The following HAVCR2 variants were observed in gnomAD, a reference collection of about 807,000 sequenced individuals.
The protein encoded by HAVCR2 is hepatitis A virus cellular receptor 2.
Under a neutral mutation model 24.7 loss-of-function variants are expected in HAVCR2, and 13 were observed. The ratio of observed to expected loss-of-function variants is 0.53; its 90% CI spans 0.34 to 0.84. The LOEUF (loss-of-function observed/expected upper bound fraction) is 0.84, where lower values mean the gene tolerates loss of function less well. Among genes scored for constraint, HAVCR2 ranks in the 40% least tolerant of loss-of-function variants. HAVCR2 has a pLI of 0.01. For synonymous variants in HAVCR2, 154 were observed against 143.4 expected, an observed-to-expected ratio of 1.07 and a Z score of -0.53; for missense variants, 343 against 371.2, an observed-to-expected ratio of 0.92 and a Z score of 0.62.
At chr5:157,097,511 T>C (rs1184012130) in intron 4 of HAVCR2, among the ~76,000 whole-genome samples, 2 of 152,136 alleles carry the variant, frequency 1.3e-5, no homozygotes, top group Non-Finnish European at 2.9e-5. Context: ...CCTTCCACCT[T>C]GGCCTCCTAA....
chr5:157,101,974 T>A (rs757559722), intron 3 of HAVCR2, among the ~76,000 whole-genome samples: 45 of 134,364 alleles, frequency 3.3e-4, no homozygotes, highest in Non-Finnish European at 6.6e-4. Context: ...TGGGATGGAA[T>A]CTCGCTCTGT....
chr5:157,098,322 G>T (rs143869960), intron 4 of HAVCR2, among the ~76,000 whole-genome samples: 2,548 of 151,832 alleles, frequency 0.017, 83 homozygotes, highest in African/African-American at 0.059. Flanking sequence ...CAGGAGAATC[G>T]CTTGAACCCG....
At chr5:157,106,468 A>T in intron 2 of HAVCR2, 159 bp downstream of exon 2, 1 of 628,522 alleles carries the variant, frequency 1.6e-6, no homozygotes, top group Admixed American at 2.8e-5. Flanking sequence ...GGTGTTAAAT[A>T]TCACTGAGCA....
At chr5:157,100,867 G>T (rs1273153455) in intron 3 of HAVCR2, among the ~76,000 whole-genome samples, 1 of 152,110 alleles carries the variant, frequency 6.6e-6, no homozygotes, top group African/African-American at 2.4e-5. Context: ...GAGGCCGAGG[G>T]CAGGCAGATC....
At chr5:157,108,524 A>C (rs1267318417) in intron 1 of HAVCR2, among the ~76,000 whole-genome samples, 1 of 152,066 alleles carries the variant, frequency 6.6e-6, no homozygotes, top group African/African-American at 2.4e-5. Flanking sequence ...GAAAAAGAAA[A>C]AAAGGAAAGA....
intron 4 of HAVCR2, among the ~76,000 whole-genome samples, chr5:157,097,250 ATTTTTTT>A (rs1221167508): frequency 7.8e-6 from 1 of 128,572 alleles, no homozygotes; most frequent in African/African-American, 2.9e-5. Flanking sequence ...CCCTCAAGTA[ATTTTTTT>A]TTTTTTTTTT....
intron 3 of HAVCR2, among the ~76,000 whole-genome samples, chr5:157,102,791 G>A (rs994615189): frequency 3.3e-5 from 5 of 151,758 alleles, no homozygotes; most frequent in East Asian, 1.9e-4. Context: ...AAAAATTAGC[G>A]GGGCGTGGTG....
At chr5:157,092,878 CAAAAAAAAAAAAAAAAAAAAAAAAA>C (rs556443053) in intron 5 of HAVCR2, among the ~76,000 whole-genome samples, 59 of 44,040 alleles carry the variant, frequency 1.3e-3, no homozygotes, top group African/African-American at 2.9e-3. Context: ...CTGTCTCTAC[CAAAAAAAAAAAAAAAAAAAAAAAAA>C]AAAAAAAAAA....
intron 3 of HAVCR2, among the ~76,000 whole-genome samples, chr5:157,102,807 C>T (rs980035958): frequency 2.6e-5 from 4 of 151,770 alleles, no homozygotes; most frequent in Admixed American, 6.6e-5. Context: ...TGGTGGCGCG[C>T]GTCTGTAATC....
At chr5:157,106,984 G>A in intron 1 of HAVCR2, 22 bp from the exon 2 acceptor site, 3 of 1,580,562 alleles carry the variant, frequency 1.9e-6, no homozygotes, top group Non-Finnish European at 2.6e-6. Flanking sequence ...GAGAAGGAGA[G>A]CCAAGACTCA....
chr5:157,094,713 TA>T (rs374388128), intron 5 of HAVCR2, among the ~76,000 whole-genome samples: 9,389 of 143,392 alleles, frequency 0.065, 397 homozygotes, highest in Admixed American at 0.15. Context: ...TTTGCTAGTT[TA>T]AAAAAAAAAA....
At chr5:157,092,914 A>AAAAAAAAAAC (rs1561619885) in intron 5 of HAVCR2, among the ~76,000 whole-genome samples, 1 of 116,770 alleles carries the variant, frequency 8.6e-6, no homozygotes, top group African/African-American at 3.1e-5. Context: ...AAAAAAAAAA[A>AAAAAAAAAAC]AAAACTAGCC....
chr5:157,090,255 A>C (rs1756978754), intron 5 of HAVCR2, among the ~76,000 whole-genome samples: 1 of 147,272 alleles, frequency 6.8e-6, no homozygotes. Context: ...TCAGCTTCTG[A>C]GTAGCTAGAA....
chr5:157,100,951 C>G (rs1757157751), intron 3 of HAVCR2, among the ~76,000 whole-genome samples: 1 of 152,044 alleles, frequency 6.6e-6, no homozygotes, highest in South Asian at 2.1e-4. Flanking sequence ...AAAAAATTAG[C>G]CGGGCGTGGT....
chr5:157,086,979 C>T lies in HAVCR2; in HGVS notation c.*123G>A. 1.3e-6 allele frequency: 1 copy of T among 780,700 alleles called. No individual in the cohort carries two copies. The highest frequency in any genetic ancestry group is 1.8e-5 in the South Asian group (1 of 56,732). 48.4% of individuals were successfully genotyped at this position (780,700 alleles called of 1,614,324 possible). A position where few individuals can be genotyped will look rare whatever the true frequency, so the allele number is the denominator to read the frequency against. Reference sequence around the variant, plus strand: ...GTTCAATTCCCATGTGAGTCATTATCTTCTGAAAATGGGAAAACTCTGCTC... The same window carrying T: ...GTTCAATTCCCATGTGAGTCATTATTTTCTGAAAATGGGAAAACTCTGCTC... On this transcript the variant is annotated 3_prime_UTR_variant, in exon 7 of 7. Coordinates refer to ENST00000307851, the MANE Select transcript of HAVCR2 (RefSeq NM_032782.5).
In HAVCR2 at chr5:157,085,923, A is replaced by G. The variant is rs1756905496; in HGVS notation, c.*1179T>C. ...ACAATAAGCAAGACAGATCAAGCCTATACCGTCTTGAAATTTAAGTTTAGG... is the reference window on the plus strand; with the variant it reads ...ACAATAAGCAAGACAGATCAAGCCTGTACCGTCTTGAAATTTAAGTTTAGG... On this transcript the variant is annotated 3_prime_UTR_variant, in exon 7 of 7. Transcript: ENST00000307851. 1 of 152,244 alleles carries G rather than the reference A, an allele frequency of 6.6e-6. No homozygotes were observed. Among genetic ancestry groups the G allele is most frequent in the Non-Finnish European group, 1.5e-5 (1 of 68,044 alleles). The allele number at this position is 152,244 out of a possible 1,614,324, so 9.4% of individuals were successfully genotyped here.
intron 3 of HAVCR2, among the ~76,000 whole-genome samples, chr5:157,104,141 C>T (rs1757211856): frequency 6.6e-6 from 1 of 152,176 alleles, no homozygotes; most frequent in African/African-American, 2.4e-5. Context: ...GACTTGACTT[C>T]TGCTTTATGC....
intron 3 of HAVCR2, among the ~76,000 whole-genome samples, chr5:157,099,131 G>A (rs961193441): frequency 8.6e-5 from 13 of 152,036 alleles, no homozygotes; most frequent in African/African-American, 2.9e-4. Flanking sequence ...ATAATGAACC[G>A]TACTGTTTTA....
In HAVCR2 at chr5:157,095,185, A is replaced by C. The variant is rs1581757672; in HGVS notation, c.676+121T>G. On this transcript the variant is annotated intron_variant, in intron 5 of 6. Transcript: ENST00000307851. ...CATTATTGTTAGGATTTGGATGGACAAAAGGGTATTTAGTCTAATCATCTT... is the reference window on the plus strand; with the variant it reads ...CATTATTGTTAGGATTTGGATGGACCAAAGGGTATTTAGTCTAATCATCTT... 4 of 1,041,026 alleles carry C rather than the reference A, an allele frequency of 3.8e-6. No individual in the cohort carries two copies. The East Asian group carries it at 1.0e-4, about 26-fold the overall frequency. 64.5% of individuals were successfully genotyped at this position (1,041,026 alleles called of 1,614,324 possible).
Sources: allele counts gnomAD v4.1 joint callset (sites outside exome capture counted in the v4.1 genomes callset), GRCh38; gene constraint gnomAD v4.1.1; transcripts MANE v1.5; gene names NCBI Gene and HGNC (gene_info 2026-07-23, HGNC 2026-07-21).